The following SUSD5 variants were observed in gnomAD, a reference collection of about 807,000 sequenced individuals.
SUSD5 encodes sushi domain containing 5, also known as sushi domain-containing protein 5.
Under a neutral mutation model 29.5 loss-of-function variants are expected in SUSD5, and 33 were observed. The observed-to-expected ratio is 1.12, with a 90% confidence interval of 0.85 to 1.49. The LOEUF is 1.49. Among genes scored for constraint, SUSD5 ranks in the 40% most tolerant of loss-of-function variants. SUSD5 has a pLI of 0.00. For synonymous variants in SUSD5, 308 were observed against 325.3 expected (o/e 0.95, Z 0.57); for missense variants, 776 against 800.6 (o/e 0.97, Z 0.37).
chr3:33,178,907 G>A (rs910283209), intron 3 of SUSD5, among the ~76,000 whole-genome samples: 2 of 152,102 alleles, frequency 1.3e-5, no homozygotes, highest in African/African-American at 4.8e-5. Context: ...GCTTTCTTTG[G>A]AAGGTTGTAG....
chr3:33,195,516 A>G (rs2031978650), intron 3 of SUSD5, among the ~76,000 whole-genome samples: 1 of 152,192 alleles, frequency 6.6e-6, no homozygotes, highest in South Asian at 2.1e-4. Context: ...AGTTCTAGAT[A>G]AATTGAAACT....
intron 4 of SUSD5, among the ~76,000 whole-genome samples, chr3:33,160,771 G>C (rs372061915): frequency 2.0e-5 from 3 of 150,484 alleles, no homozygotes; most frequent in African/African-American, 7.4e-5. Flanking sequence ...TCAAAGAACA[G>C]AGCAGACTGA....
chr3:33,160,276 C>T (rs368246667), intron 4 of SUSD5, among the ~76,000 whole-genome samples: 101 of 152,016 alleles, frequency 6.6e-4, no homozygotes, highest in African/African-American at 2.2e-3. Context: ...TGCCCAGTCA[C>T]GCCCAGATAT....
intron 3 of SUSD5, among the ~76,000 whole-genome samples, chr3:33,199,835 A>G (rs1044390651): frequency 1.3e-5 from 2 of 152,188 alleles, no homozygotes; most frequent in Non-Finnish European, 2.9e-5. Context: ...TGCCATTGTA[A>G]CAGTATTAAG....
chr3:33,185,482 T>A (rs2031759131), intron 3 of SUSD5, among the ~76,000 whole-genome samples: 1 of 152,168 alleles, frequency 6.6e-6, no homozygotes, highest in African/African-American at 2.4e-5. Flanking sequence ...CAATTACAGC[T>A]ACGTTTTCCT....
At chr3:33,211,595 G>A (rs1004335222) in intron 2 of SUSD5, among the ~76,000 whole-genome samples, 1 of 152,170 alleles carries the variant, frequency 6.6e-6, no homozygotes, top group Non-Finnish European at 1.5e-5. Flanking sequence ...TTGGAGACAT[G>A]AGTCAGCATG....
intron 3 of SUSD5, among the ~76,000 whole-genome samples, chr3:33,197,544 A>AACCACC (rs146453981): frequency 6.6e-6 from 1 of 151,998 alleles, no homozygotes. Flanking sequence ...CCAATTGTAT[A>AACCACC]ACCACCACCA....
At chr3:33,201,390 G>C (rs1156680761) in intron 3 of SUSD5, among the ~76,000 whole-genome samples, 2 of 152,240 alleles carry the variant, frequency 1.3e-5, no homozygotes, top group Admixed American at 6.5e-5. Flanking sequence ...CTTCTGAGTA[G>C]CACAGAAGTG....
Position 33,153,414 on chromosome 3 carries a change from T to G in SUSD5, c.1218A>C (p.Leu406=). The stretch of plus-strand genomic sequence containing the variant: ...CAAGAATGGGCTGATCAGGAGTAAC[T>G]AGGACGTTTTCATCCAGCCCTACTG... The part of the protein sequence containing the change: ...DGSVGLDENV[L]VTPDQPILVE... Residue 406 remains leucine (L), a synonymous_variant, in exon 5 of 5, where the codon CTA becomes CTC. Coordinates refer to ENST00000309558, the MANE Select transcript of SUSD5 (RefSeq NM_015551.2). 6.2e-7 allele frequency: 1 copy of G among 1,613,868 alleles called. No individual in the cohort carries two copies. Among genetic ancestry groups the G allele is most frequent in the African/African-American group, 1.3e-5 (1 of 75,012 alleles).
intron 4 of SUSD5, among the ~76,000 whole-genome samples, chr3:33,171,208 G>T (rs1043425256): frequency 4.6e-5 from 7 of 152,116 alleles, no homozygotes; most frequent in African/African-American, 1.4e-4. Flanking sequence ...TTAGCCAGGC[G>T]TGGTGGCGCA....
intron 3 of SUSD5, among the ~76,000 whole-genome samples, chr3:33,203,335 C>G (rs969862897): frequency 6.6e-6 from 1 of 152,162 alleles, no homozygotes; most frequent in East Asian, 1.9e-4. Context: ...CCCAGGAGAA[C>G]AGTCCTGGAG....
intron 1 of SUSD5, 25 bp downstream of exon 1, chr3:33,218,661 G>A (rs2032468694): frequency 4.0e-6 from 3 of 745,858 alleles, no homozygotes; most frequent in Middle Eastern, 4.4e-4. Flanking sequence ...TCCACCCCCC[G>A]CCCCGCCGCC....
At chr3:33,213,831 G>C in intron 2 of SUSD5, 97 bp downstream of exon 2, 1 of 1,309,198 alleles carries the variant, frequency 7.6e-7, no homozygotes, top group Non-Finnish European at 1.0e-6. Flanking sequence ...ACTGTACTCT[G>C]CCTGTATGGT....
Position 33,150,788 on chromosome 3 carries a change from T to C in SUSD5, c.*1954A>G, listed in dbSNP as rs541486814. Reference sequence around the variant, plus strand: ...AGAAAACATGTTGCGAATGTTTTTTTTCCTTAGGTAAAACACCACCAACAA... The same window carrying C: ...AGAAAACATGTTGCGAATGTTTTTTCTCCTTAGGTAAAACACCACCAACAA... On this transcript the variant is annotated 3_prime_UTR_variant, in exon 5 of 5. Transcript: ENST00000309558. 2 of 152,310 alleles carry C rather than the reference T, an allele frequency of 1.3e-5. No homozygotes were observed. The highest frequency in any genetic ancestry group is 3.9e-4 in the East Asian group (2 of 5,188). 9.4% of individuals were successfully genotyped at this position (152,310 alleles called of 1,614,324 possible).
chr3:33,170,573 G>A (rs2031402913), intron 4 of SUSD5, among the ~76,000 whole-genome samples: 1 of 152,214 alleles, frequency 6.6e-6, no homozygotes, highest in Non-Finnish European at 1.5e-5. Flanking sequence ...GCGTGTGGCT[G>A]AGGGACCCTC....
rs371548155 is a variant in SUSD5, at chr3:33,213,941, C to G, written c.277G>C (p.Asp93His). The change falls in exon 2 of 5, where the codon GAT (aspartate) becomes CAT (histidine). Residue 93 changes from aspartate (D) to histidine (H), a missense_variant. Physicochemically the swap from Asp to His is moderately conservative, Grantham distance 81. Coordinates refer to ENST00000309558, the MANE Select transcript of SUSD5 (RefSeq NM_015551.2). ...CGCCTAACTTACCCAAGAGTACCAT[C>G]TGCTAGCCAGCCAGTGGTGCACACC... ...FAVCTTGWLA[D>H]GTLGTTVCSK... is the part of the protein sequence containing the mutation. The G allele has an allele frequency of 3.1e-6, 5 of 1,600,604 alleles. No homozygotes were observed. The highest frequency in any genetic ancestry group is 2.2e-5 in the South Asian group (2 of 89,186).
In SUSD5 at chr3:33,157,331, G is replaced by A. The variant is rs142195703; in HGVS notation, c.599-3298C>T. On this transcript the variant is annotated intron_variant, in intron 4 of 4. Transcript: ENST00000309558. ...TTTTCACCCAACATTCTGAATGGGCGTTAGGTTTTGCATTGAAGTACTGTC... is the reference window on the plus strand; with the variant it reads ...TTTTCACCCAACATTCTGAATGGGCATTAGGTTTTGCATTGAAGTACTGTC... 1.5e-4 allele frequency among the ~76,000 whole-genome samples: 23 copies of A among 152,294 alleles called. No homozygotes were observed. The East Asian group carries it at 2.3e-3, about 15-fold the overall frequency.
chr3:33,182,334 GGCC>G (rs2031689940), intron 3 of SUSD5, among the ~76,000 whole-genome samples: 1 of 152,118 alleles, frequency 6.6e-6, no homozygotes, highest in Admixed American at 6.6e-5. Context: ...TGTGTTTTAC[GGCC>G]CAGGATGTGG....
intron 4 of SUSD5, among the ~76,000 whole-genome samples, chr3:33,165,069 A>G (rs2031277093): frequency 6.6e-6 from 1 of 152,164 alleles, no homozygotes; most frequent in Admixed American, 6.6e-5. Flanking sequence ...GCAAAACTCT[A>G]GAGGAATACA....
Sources: allele counts gnomAD v4.1 joint callset (sites outside exome capture counted in the v4.1 genomes callset), GRCh38; gene constraint gnomAD v4.1.1; transcripts MANE v1.5; gene names NCBI Gene and HGNC (gene_info 2026-07-23, HGNC 2026-07-21).